Variants in GALNTL6 observed in about 807,000 individuals in gnomAD.
The protein encoded by GALNTL6 is polypeptide N-acetylgalactosaminyltransferase-like 6.
GALNTL6 carries 46 observed loss-of-function variants against 73.7 expected under a neutral mutation model. That is an observed-to-expected ratio of 0.62 (90% CI 0.49 to 0.80). The LOEUF (loss-of-function observed/expected upper bound fraction) is 0.80, where lower values mean the gene tolerates loss of function less well. GALNTL6 is among the 30% of genes least tolerant of loss of function. The pLI is 0.00. For missense variants in GALNTL6, 604 were observed against 755.0 expected (o/e 0.80, Z 2.34); for synonymous variants, 259 against 263.7 (o/e 0.98, Z 0.17).
chr4:172,425,321 A>T (rs986247835), intron 5 of GALNTL6: 2 of 152,152 alleles, frequency 1.3e-5, no homozygotes, highest in African/African-American at 4.8e-5. Context: ...ACTAAAGTTC[A>T]ACATAGTGAG....
At chr4:171,825,922 C>T (rs1178285785) in intron 2 of GALNTL6, among the ~76,000 whole-genome samples, 1 of 152,172 alleles carries the variant, frequency 6.6e-6, no homozygotes, top group Non-Finnish European at 1.5e-5. Context: ...CTCAAGTCTT[C>T]TGCTATTGCT....
At chr4:172,084,620 T>C (rs897469026) in intron 2 of GALNTL6, among the ~76,000 whole-genome samples, 3 of 152,202 alleles carry the variant, frequency 2.0e-5, no homozygotes. Context: ...TCTTTGTTTT[T>C]GTCTTTATTT....
At chr4:172,422,724 A>G (rs547568565) in intron 5 of GALNTL6, among the ~76,000 whole-genome samples, 1 of 151,880 alleles carries the variant, frequency 6.6e-6, no homozygotes, top group African/African-American at 2.4e-5. Flanking sequence ...TGGATAATCC[A>G]AACTCAACAT....
intron 2 of GALNTL6, among the ~76,000 whole-genome samples, chr4:171,904,878 CAT>C (rs1247678369): frequency 1.3e-5 from 2 of 152,214 alleles, no homozygotes; most frequent in African/African-American, 4.8e-5. Flanking sequence ...CCCAGAATTT[CAT>C]ATCCAGCCAA....
intron 2 of GALNTL6, among the ~76,000 whole-genome samples, chr4:172,150,724 A>T (rs1734060914): frequency 6.6e-6 from 1 of 152,196 alleles, no homozygotes; most frequent in Non-Finnish European, 1.5e-5. Context: ...TAGGGAGAAG[A>T]GGATCAGTGG....
chr4:172,269,783 A>C (rs1312996045), intron 3 of GALNTL6, among the ~76,000 whole-genome samples: 1 of 150,200 alleles, frequency 6.7e-6, no homozygotes, highest in Non-Finnish European at 1.5e-5. Flanking sequence ...ACAGAGTTTC[A>C]CTTTGTCGCC....
intron 5 of GALNTL6, among the ~76,000 whole-genome samples, chr4:172,369,501 G>C (rs1466699466): frequency 6.6e-6 from 1 of 152,210 alleles, no homozygotes; most frequent in South Asian, 2.1e-4. Flanking sequence ...CGGTCGATGG[G>C]AGTGGGCGCC....
At chr4:172,030,104 T>C (rs1263712214) in intron 2 of GALNTL6, among the ~76,000 whole-genome samples, 1 of 152,142 alleles carries the variant, frequency 6.6e-6, no homozygotes, top group East Asian at 1.9e-4. Flanking sequence ...CCAAGGTCAC[T>C]AAGCAAATAT....
intron 4 of GALNTL6, among the ~76,000 whole-genome samples, chr4:172,333,613 A>G (rs1741208141): frequency 6.6e-6 from 1 of 151,872 alleles, no homozygotes; most frequent in Non-Finnish European, 1.5e-5. Flanking sequence ...TTTTTCTGTT[A>G]ATTGTTTTCA....
chr4:172,199,403 TA>T (rs778596451), intron 2 of GALNTL6, among the ~76,000 whole-genome samples: 1 of 152,342 alleles, frequency 6.6e-6, no homozygotes, highest in Non-Finnish European at 1.5e-5. Flanking sequence ...TTTTGCAAAT[TA>T]TTTTCGTGAT....
At chr4:172,641,672 A>T (rs549087586) in intron 5 of GALNTL6, among the ~76,000 whole-genome samples, 2 of 152,146 alleles carry the variant, frequency 1.3e-5, no homozygotes, top group African/African-American at 4.8e-5. Context: ...CTCAACCTGG[A>T]CGTTTTCTTT....
chr4:172,528,323 T>A (rs1419380485), intron 5 of GALNTL6, among the ~76,000 whole-genome samples: 4 of 10,982 alleles, frequency 3.6e-4, no homozygotes, highest in African/African-American at 5.4e-4. Context: ...AAATAAAATA[T>A]ATATATATAT....
chr4:171,990,361 T>G (rs1318923964), intron 2 of GALNTL6, among the ~76,000 whole-genome samples: 2 of 152,178 alleles, frequency 1.3e-5, no homozygotes, highest in East Asian at 3.9e-4. Context: ...TTGAAGAAAT[T>G]AAACTCAAGA....
intron 2 of GALNTL6, among the ~76,000 whole-genome samples, chr4:172,107,607 A>G (rs1234935222): frequency 6.9e-6 from 1 of 144,948 alleles, no homozygotes; most frequent in Non-Finnish European, 1.5e-5. Flanking sequence ...GTTCTCACTC[A>G]TAGGTGGGAA....
chr4:172,802,431 C>T lies in GALNTL6; in HGVS notation c.554-6930C>T, dbSNP rs151114193. On this transcript the variant is annotated intron_variant, in intron 5 of 12. Transcript: ENST00000506823. ...TTTTATTGGGGGTCTGAAGAAACTC[C>T]CCAGACCTCCACAAACAAGTTGTAT... is the stretch of plus-strand genomic sequence containing the variant. Among the ~76,000 whole-genome samples, 33 of 152,064 alleles carry T rather than the reference C, an allele frequency of 2.2e-4. No individual in the cohort carries two copies. The East Asian group carries it at 6.4e-3, about 29-fold the overall frequency.
intron 5 of GALNTL6, among the ~76,000 whole-genome samples, chr4:172,733,158 CT>C (rs1404703367): frequency 4.6e-5 from 7 of 152,156 alleles, no homozygotes; most frequent in African/African-American, 1.4e-4. Flanking sequence ...CTGTGAAAGA[CT>C]TTTCTCTATC....
chr4:172,625,598 C>A (rs1211978569), intron 5 of GALNTL6, among the ~76,000 whole-genome samples: 1 of 152,016 alleles, frequency 6.6e-6, no homozygotes, highest in Non-Finnish European at 1.5e-5. Context: ...GAGAAATCTC[C>A]AAACTGCTTT....
At chr4:172,225,662 G>C (rs76197378) in intron 2 of GALNTL6, among the ~76,000 whole-genome samples, 1,523 of 152,134 alleles carry the variant, frequency 0.01, 27 homozygotes, top group African/African-American at 0.035. Flanking sequence ...TGGCTGAGGC[G>C]TGAGAATTGC....
At chr4:172,802,811 A>AC (rs1232445983) in intron 5 of GALNTL6, among the ~76,000 whole-genome samples, 1 of 76,574 alleles carries the variant, frequency 1.3e-5, no homozygotes, top group Non-Finnish European at 3.2e-5. Context: ...ACAAACAAAC[A>AC]AACAACAACA....
Sources: gnomAD v4.1 joint callset for allele counts (sites outside exome capture counted in the v4.1 genomes callset) on GRCh38, gnomAD v4.1.1 for gene constraint, MANE v1.5 for transcripts, NCBI Gene and HGNC (gene_info 2026-07-23, HGNC 2026-07-21) for gene names.